The following CUL3 variants were observed in gnomAD, a reference collection of about 807,000 sequenced individuals.
The protein encoded by CUL3 is cullin-3.
A neutral mutation model predicts 89.1 loss-of-function variants in CUL3; 19 were observed. The observed-to-expected ratio is 0.21, with a 90% CI of 0.15 to 0.31. CUL3 has a LOEUF of 0.31. CUL3 is among the 10% of genes least tolerant of loss of function. CUL3 has a pLI of 1.00. For missense variants in CUL3, 469 were observed against 942.3 expected, an observed-to-expected ratio of 0.50 and a Z score of 6.58; for synonymous variants, 351 against 308.4, an observed-to-expected ratio of 1.14 and a Z score of -1.45.
chr2:224,518,806 C>T (rs974923909), intron 3 of CUL3, among the ~76,000 whole-genome samples: 1 of 152,184 alleles, frequency 6.6e-6, no homozygotes, highest in Non-Finnish European at 1.5e-5. Context: ...TACTTCTTCC[C>T]CTTCTATTTG....
chr2:224,505,572 T>C (rs1692568866), intron 8 of CUL3, among the ~76,000 whole-genome samples: 1 of 152,170 alleles, frequency 6.6e-6, no homozygotes, highest in South Asian at 2.1e-4. Context: ...ACAACAGGTG[T>C]ATACCACTGT....
Position 224,511,559 on chromosome 2 carries a change from T to A in CUL3, c.678A>T (p.Ala226=), listed in dbSNP as rs1692827041. 3 of 1,581,296 alleles carry A rather than the reference T, an allele frequency of 1.9e-6. No individual in the cohort carries two copies. The highest frequency in any genetic ancestry group is 2.6e-6 in the Non-Finnish European group (3 of 1,167,758). ...TTATATATACTGAAGCACTATTTTC[T>A]GCTAAAAATTTCTGGCTTTCCATCT... is the stretch of plus-strand genomic sequence containing the variant. ...FFQMESQKFL[A]ENSASVYIKK... The change falls in exon 6 of 16, where the codon GCA becomes GCT. Residue 226 remains alanine (A), a synonymous_variant. Transcript: ENST00000264414.
At position 224,585,261 on chromosome 2, in the gene CUL3, T is replaced by C. The variant is rs1306794507; in HGVS notation, c.-252A>G. 5.1e-6 allele frequency: 2 copies of C among 388,722 alleles called. No individual in the cohort carries two copies. The highest frequency in any genetic ancestry group is 3.6e-5 in the East Asian group (1 of 27,570). The allele number at this position is 388,722 out of a possible 1,614,324, so 24.1% of individuals were successfully genotyped here. On this transcript the variant is annotated 5_prime_UTR_variant, in exon 1 of 16. Coordinates refer to ENST00000264414, the MANE Select transcript of CUL3 (RefSeq NM_003590.5). The stretch of plus-strand genomic sequence containing the variant: ...GCGCTGGCGCGGCGGCTCCGCGGGG[T>C]CCCCCTCACGTCCGGCTCGGCTCCC...
Position 224,514,742 on chromosome 2 carries a change from C to T in CUL3, c.409G>A (p.Glu137Lys), listed in dbSNP as rs1692973217. 1 of 1,612,980 alleles carries T rather than the reference C, an allele frequency of 6.2e-7. No homozygotes were observed. Among genetic ancestry groups the T allele is most frequent in the Non-Finnish European group, 8.5e-7 (1 of 1,179,126 alleles). ...ATTAATCCCAAATTGTAGACGTTCT[C>T]CACATTATTTTGTTGTACATACACA... is the stretch of plus-strand genomic sequence containing the variant. ...DRVYVQQNNV[E>K]NVYNLGLIIF... Residue 137 changes from glutamate to lysine, a missense_variant, in exon 4 of 16, where the codon GAG becomes AAG. By Grantham distance (56) the Glu-to-Lys change is moderately conservative. Transcript: ENST00000264414.
At chr2:224,525,214 C>G (rs1445069115) in intron 3 of CUL3, among the ~76,000 whole-genome samples, 1 of 152,172 alleles carries the variant, frequency 6.6e-6, no homozygotes, top group South Asian at 2.1e-4. Context: ...TAATGTAATT[C>G]TTTTGCACTG....
intron 2 of CUL3, among the ~76,000 whole-genome samples, chr2:224,543,839 G>C (rs997578352): frequency 2.0e-5 from 3 of 152,062 alleles, no homozygotes; most frequent in Admixed American, 6.6e-5. Context: ...TAAACAATTA[G>C]CTGGGGGTGG....
chr2:224,566,519 T>C (rs1015812718), intron 1 of CUL3, among the ~76,000 whole-genome samples: 4 of 152,216 alleles, frequency 2.6e-5, no homozygotes, highest in Non-Finnish European at 5.9e-5. Context: ...ATAGGGCACT[T>C]TTGTCTACAT....
At chr2:224,501,762 G>A (rs535747074) in intron 10 of CUL3, among the ~76,000 whole-genome samples, 1 of 152,134 alleles carries the variant, frequency 6.6e-6, no homozygotes, top group African/African-American at 2.4e-5. Flanking sequence ...GTTGGTTAGG[G>A]GAAGGGAGGG....
chr2:224,518,822 G>T (rs1011911570), intron 3 of CUL3, among the ~76,000 whole-genome samples: 2 of 151,944 alleles, frequency 1.3e-5, no homozygotes, highest in Non-Finnish European at 2.9e-5. Context: ...ATTTGCTATC[G>T]GTCTCCCATG....
At chr2:224,481,370 G>A (rs562175696) in intron 14 of CUL3, among the ~76,000 whole-genome samples, 27 of 150,100 alleles carry the variant, frequency 1.8e-4, no homozygotes, top group African/African-American at 6.6e-4. Flanking sequence ...TTAATGAATA[G>A]AATTTTCATT....
chr2:224,480,714 T>C (rs1462100489), intron 14 of CUL3, among the ~76,000 whole-genome samples: 1 of 152,174 alleles, frequency 6.6e-6, no homozygotes, highest in Admixed American at 6.5e-5. Flanking sequence ...TTCCCACATA[T>C]TTTCCTCTAA....
intron 3 of CUL3, among the ~76,000 whole-genome samples, chr2:224,522,602 C>T (rs556475910): frequency 1.3e-5 from 2 of 152,028 alleles, no homozygotes; most frequent in Non-Finnish European, 2.9e-5. Context: ...CCGAGGCGGG[C>T]GGATCATGAG....
chr2:224,500,219 GT>G, intron 11 of CUL3, 143 bp downstream of exon 11: 1 of 907,076 alleles, frequency 1.1e-6, no homozygotes, highest in Non-Finnish European at 1.7e-6. Flanking sequence ...GGAAATTGCT[GT>G]ATGCCAGGAT....
chr2:224,537,669 A>G (rs1209500288), intron 2 of CUL3, among the ~76,000 whole-genome samples: 1 of 152,200 alleles, frequency 6.6e-6, no homozygotes, highest in Non-Finnish European at 1.5e-5. Context: ...AATCATGACA[A>G]TGCAAGAGCA....
intron 13 of CUL3, among the ~76,000 whole-genome samples, chr2:224,482,859 C>A (rs1375986993): frequency 1.3e-5 from 2 of 152,126 alleles, no homozygotes; most frequent in Non-Finnish European, 2.9e-5. Context: ...AGTCTTGACA[C>A]TAGGATTTAT....
At chr2:224,568,381 G>C (rs1386195397) in intron 1 of CUL3, among the ~76,000 whole-genome samples, 1 of 152,164 alleles carries the variant, frequency 6.6e-6, no homozygotes, top group South Asian at 2.1e-4. Flanking sequence ...ACTAGACTAT[G>C]AGCTTAAGAG....
chr2:224,505,517 C>A (rs1692566808), intron 8 of CUL3, among the ~76,000 whole-genome samples: 2 of 152,186 alleles, frequency 1.3e-5, no homozygotes, highest in South Asian at 4.1e-4. Flanking sequence ...CTCACTGCAG[C>A]CTTGAACTCC....
chr2:224,565,735 T>C (rs536611377), intron 1 of CUL3, among the ~76,000 whole-genome samples: 19 of 152,340 alleles, frequency 1.2e-4, no homozygotes, highest in African/African-American at 4.6e-4. Context: ...TCTTCCGGTG[T>C]GATGTCCATT....
At chr2:224,535,793 A>G in intron 2 of CUL3, 152 bp from the exon 3 acceptor site, 1 of 627,514 alleles carries the variant, frequency 1.6e-6, no homozygotes, top group Non-Finnish European at 2.8e-6. Flanking sequence ...TTAAGCTATA[A>G]CCTATACACA....
Sources: allele counts gnomAD v4.1 joint callset (sites outside exome capture counted in the v4.1 genomes callset), GRCh38; gene constraint gnomAD v4.1.1; transcripts MANE v1.5; gene names NCBI Gene and HGNC (gene_info 2026-07-23, HGNC 2026-07-21).